The following ZBTB7C variants were observed in gnomAD, a reference collection of about 807,000 sequenced individuals.
ZBTB7C encodes zinc finger and BTB domain containing 7C.
ZBTB7C carries 8 observed loss-of-function variants against 25.7 expected under a neutral mutation model. The observed-to-expected ratio is 0.31, with a 90% CI of 0.18 to 0.56. The LOEUF (loss-of-function observed/expected upper bound fraction) is 0.56, where lower values mean the gene tolerates loss of function less well. Among genes scored for constraint, ZBTB7C ranks in the 20% least tolerant of loss-of-function variants. ZBTB7C has a pLI of 0.91. For synonymous variants in ZBTB7C, 394 were observed against 369.0 expected (o/e 1.07, Z -0.78); for missense variants, 824 against 855.2 (o/e 0.96, Z 0.46).
At chr18:48,250,899 G>T (rs1221435165) in intron 2 of ZBTB7C, among the ~76,000 whole-genome samples, 1 of 150,994 alleles carries the variant, frequency 6.6e-6, no homozygotes, top group African/African-American at 2.4e-5. Context: ...CTTGTGATTT[G>T]CTTGAACTTA....
chr18:48,118,203 G>A (rs1041979218), intron 3 of ZBTB7C, among the ~76,000 whole-genome samples: 4 of 151,714 alleles, frequency 2.6e-5, no homozygotes, highest in East Asian at 1.9e-4. Context: ...AGGAGGTTTC[G>A]CCACATTGGC....
chr18:48,232,523 C>T (rs2043281803), intron 2 of ZBTB7C, among the ~76,000 whole-genome samples: 1 of 152,002 alleles, frequency 6.6e-6, no homozygotes, highest in Non-Finnish European at 1.5e-5. Context: ...CACCATATGA[C>T]CTCAGTTAAG....
chr18:48,240,789 A>G (rs2043502539), intron 2 of ZBTB7C, among the ~76,000 whole-genome samples: 1 of 152,178 alleles, frequency 6.6e-6, no homozygotes, highest in African/African-American at 2.4e-5. Flanking sequence ...ACACAATGAA[A>G]TAAAAAACAA....
intron 3 of ZBTB7C, among the ~76,000 whole-genome samples, chr18:48,174,567 A>T (rs1219819505): frequency 1.3e-5 from 2 of 152,266 alleles, no homozygotes; most frequent in Non-Finnish European, 2.9e-5. Context: ...AATCCCAAGC[A>T]TATGAAACAC....
chr18:48,076,072 T>C (rs2037751212), intron 3 of ZBTB7C, among the ~76,000 whole-genome samples: 1 of 152,234 alleles, frequency 6.6e-6, no homozygotes, highest in Admixed American at 6.5e-5. Context: ...AATGAAGGCC[T>C]TCTATGAGTC....
intron 4 of ZBTB7C, among the ~76,000 whole-genome samples, chr18:48,038,328 C>T (rs1436227979): frequency 6.6e-6 from 1 of 152,130 alleles, no homozygotes; most frequent in Non-Finnish European, 1.5e-5. Flanking sequence ...GGGACAGATG[C>T]TGTCTGGGGT....
chr18:48,360,458 T>A (rs1012610545), intron 1 of ZBTB7C, among the ~76,000 whole-genome samples: 1 of 152,082 alleles, frequency 6.6e-6, no homozygotes, highest in Non-Finnish European at 1.5e-5. Context: ...CACGACAGAT[T>A]TGAGGAATGA....
At chr18:48,056,158 A>G (rs557308441) in intron 3 of ZBTB7C, among the ~76,000 whole-genome samples, 30 of 152,364 alleles carry the variant, frequency 2.0e-4, no homozygotes, top group African/African-American at 7.0e-4. Flanking sequence ...AACAACACCT[A>G]GGAATAAGTT....
intron 2 of ZBTB7C, among the ~76,000 whole-genome samples, chr18:48,244,640 T>C (rs141414018): frequency 6.6e-6 from 1 of 152,046 alleles, no homozygotes; most frequent in African/African-American, 2.4e-5. Context: ...AGGAAATGAA[T>C]AGATAATTCT....
chr18:48,162,384 CTCAGTTGTTGCA>C (rs2041090395), intron 3 of ZBTB7C: 1 of 456,548 alleles, frequency 2.2e-6, no homozygotes, highest in Admixed American at 2.3e-5. Context: ...TTCTCTATGC[CTCAGTTGTTGCA>C]TCTGTAAAAT....
In ZBTB7C at chr18:48,281,387, G is replaced by C. The variant is rs371794644; in HGVS notation, c.-79+56787C>G. On this transcript the variant is annotated intron_variant, in intron 2 of 4. Transcript: ENST00000590800. ...AGAAAACCTAGGCATTACCATTCAG[G>C]ACATAGGCATGGGCAAGGACTTCAT... Among the ~76,000 whole-genome samples the C allele has an allele frequency of 2.2e-3, 335 of 152,172 alleles. 3 individuals carry two copies. Among genetic ancestry groups the C allele is most frequent in the East Asian group, 0.015 (80 of 5,178 alleles).
intron 3 of ZBTB7C, among the ~76,000 whole-genome samples, chr18:48,142,227 G>T (rs1398793574): frequency 3.9e-5 from 6 of 152,214 alleles, no homozygotes; most frequent in African/African-American, 1.4e-4. Flanking sequence ...GGAGTCCTTT[G>T]GGCTTACTGG....
At chr18:48,102,270 A>G (rs2038858030) in intron 3 of ZBTB7C, among the ~76,000 whole-genome samples, 1 of 152,194 alleles carries the variant, frequency 6.6e-6, no homozygotes, top group Non-Finnish European at 1.5e-5. Context: ...TGAAAGAATT[A>G]GCTAACCTAA....
At chr18:48,247,730 T>C (rs1399819561) in intron 2 of ZBTB7C, among the ~76,000 whole-genome samples, 1 of 151,640 alleles carries the variant, frequency 6.6e-6, no homozygotes, top group African/African-American at 2.4e-5. Flanking sequence ...GCTGAGGTAA[T>C]TGGATCACGG....
At chr18:48,036,588 C>T (rs1003508157) in intron 4 of ZBTB7C, among the ~76,000 whole-genome samples, 2 of 152,154 alleles carry the variant, frequency 1.3e-5, no homozygotes, top group Non-Finnish European at 2.9e-5. Flanking sequence ...ACTCGGGTTC[C>T]AGAAGGGGAA....
chr18:48,148,559 G>A (rs1367799938), intron 3 of ZBTB7C: 1 of 152,140 alleles, frequency 6.6e-6, no homozygotes, highest in Non-Finnish European at 1.5e-5. Flanking sequence ...GGCTTACAGT[G>A]TCCTCAGCAT....
At chr18:48,128,479 A>G (rs899286461) in intron 3 of ZBTB7C, among the ~76,000 whole-genome samples, 1 of 152,256 alleles carries the variant, frequency 6.6e-6, no homozygotes, top group Non-Finnish European at 1.5e-5. Flanking sequence ...CAATGAGTGG[A>G]TAAAGAAAAT....
At chr18:48,041,243 T>G in intron 3 of ZBTB7C, 120 bp from the exon 4 acceptor site, 1 of 1,427,702 alleles carries the variant, frequency 7.0e-7, no homozygotes, top group East Asian at 2.5e-5. Flanking sequence ...GCAAGGCCAG[T>G]CCTCCTACCT....
chr18:48,096,759 G>T (rs1229443643), intron 3 of ZBTB7C, among the ~76,000 whole-genome samples: 1 of 152,222 alleles, frequency 6.6e-6, no homozygotes, highest in Admixed American at 6.5e-5. Context: ...AAGAAATGGT[G>T]AAGAGAGAGC....
Sources: allele counts gnomAD v4.1 joint callset (sites outside exome capture counted in the v4.1 genomes callset), GRCh38; gene constraint gnomAD v4.1.1; transcripts MANE v1.5; gene names NCBI Gene and HGNC (gene_info 2026-07-23, HGNC 2026-07-21).